LPIN1: variants seen among roughly 807,000 people sequenced by gnomAD.
The protein encoded by LPIN1 is lipin 1, also known as phosphatidate phosphatase LPIN1.
In LPIN1, 71 loss-of-function variants were observed where a neutral mutation model predicts 107.5. The ratio of observed to expected loss-of-function variants is 0.66; its 90% CI spans 0.55 to 0.80. The LOEUF (loss-of-function observed/expected upper bound fraction) is 0.80. Ranked by LOEUF, LPIN1 falls within the 30% of genes least tolerant of loss-of-function variation. The pLI, the probability that LPIN1 is intolerant of heterozygous loss-of-function variation, is 0.00. For synonymous variants in LPIN1, 445 were observed against 452.6 expected (o/e 0.98, Z 0.21); for missense variants, 1,043 against 1,160.6 (o/e 0.90, Z 1.47).
At chr2:11,795,751 G>A (rs1572881121) in intron 14 of LPIN1, among the ~76,000 whole-genome samples, 2 of 152,346 alleles carry the variant, frequency 1.3e-5, no homozygotes, top group East Asian at 3.9e-4. Flanking sequence ...GTCCTGGCAT[G>A]CAATAGTCCT....
At position 11,765,710 on chromosome 2, in the gene LPIN1, G is replaced by A; in HGVS notation, c.169G>A (p.Val57Ile). 2 of 1,611,566 alleles carry A rather than the reference G, an allele frequency of 1.2e-6. No individual in the cohort carries two copies. The highest frequency in any genetic ancestry group is 1.3e-5 in the African/African-American group (1 of 74,986). Residue 57 changes from valine (V) to isoleucine (I), a missense_variant, in exon 2 of 21, where the codon GTC (valine) becomes ATC (isoleucine). Val to Ile is a conservative substitution (Grantham distance 29). Coordinates refer to ENST00000674199, the MANE Select transcript of LPIN1 (RefSeq NM_001349206.2). This position sits in a 1 kb window ranked among gnomAD's most constrained non-coding sequence, Gnocchi z 4.4. ...CCACGTCCGCTTTGGGAAGATGGGG[G>A]TCCTGCGCTCCCGAGAGAAAGTGGT... ...PFHVRFGKMG[V>I]LRSREKVVDI...
upstream of LPIN1, among the ~76,000 whole-genome samples, chr2:11,742,413 T>C (rs1222663180): frequency 6.6e-6 from 1 of 152,350 alleles, no homozygotes; most frequent in South Asian, 2.1e-4. Flanking sequence ...TCTGTGTAGC[T>C]GTTTTCTTAG....
At chr2:11,811,434 T>C (rs1419739992) in intron 17 of LPIN1, among the ~76,000 whole-genome samples, 1 of 152,176 alleles carries the variant, frequency 6.6e-6, no homozygotes, top group Non-Finnish European at 1.5e-5. Context: ...GCAGCAAACA[T>C]TTTCCCCATT....
chr2:11,752,641 C>A (rs1172660270), intron 1 of LPIN1, among the ~76,000 whole-genome samples: 1 of 151,280 alleles, frequency 6.6e-6, no homozygotes, highest in Non-Finnish European at 1.5e-5. Context: ...CCGTTTTAGC[C>A]GGGATGGTCT....
chr2:11,714,010 C>T (rs2148526551), intron 2 of LPIN1, among the ~76,000 whole-genome samples: 1 of 152,346 alleles, frequency 6.6e-6, no homozygotes, highest in Non-Finnish European at 1.5e-5. Context: ...GAGCTGTGAA[C>T]ATTTTGGCTG....
intron 1 of LPIN1, among the ~76,000 whole-genome samples, chr2:11,761,402 G>A (rs1669810609): frequency 6.6e-6 from 1 of 152,158 alleles, no homozygotes. Context: ...ACAGATCAAG[G>A]GGGAGCTGGG....
chr2:11,743,991 A>T (rs1666630348), upstream of LPIN1, among the ~76,000 whole-genome samples: 1 of 151,870 alleles, frequency 6.6e-6, no homozygotes, highest in Non-Finnish European at 1.5e-5. The surrounding 1 kb of genome is among the most constrained non-coding windows in gnomAD (Gnocchi z 4.7). Flanking sequence ...AAATCTTCCA[A>T]CCCCACAACT....
chr2:11,714,920 C>T (rs147716294), intron 2 of LPIN1, among the ~76,000 whole-genome samples: 107 of 152,328 alleles, frequency 7.0e-4, no homozygotes, highest in Middle Eastern at 6.8e-3. Context: ...GTCGTTGAGA[C>T]GAATCCAGAG....
At chr2:11,759,584 C>G (rs1451876051) in intron 1 of LPIN1, among the ~76,000 whole-genome samples, 137 of 152,358 alleles carry the variant, frequency 9.0e-4, no homozygotes, top group Non-Finnish European at 1.0e-4. Context: ...CTACTTCTTT[C>G]TACACAGACA....
intron 8 of LPIN1, 87 bp from the exon 9 acceptor site, chr2:11,783,742 G>A: frequency 9.2e-7 from 1 of 1,087,622 alleles, no homozygotes. Context: ...TCTGCACATA[G>A]TGTTTAAATG....
intron 12 of LPIN1, 178 bp from the exon 13 acceptor site, chr2:11,791,735 AT>A: frequency 4.8e-6 from 7 of 1,460,102 alleles, no homozygotes; most frequent in Non-Finnish European, 5.5e-6. Flanking sequence ...CCTTCATGTA[AT>A]TTTGGACGCC....
At chr2:11,772,029 A>T (rs1671927763) in intron 4 of LPIN1, among the ~76,000 whole-genome samples, 1 of 152,148 alleles carries the variant, frequency 6.6e-6, no homozygotes, top group Admixed American at 6.5e-5. Flanking sequence ...CTTGGGGGTG[A>T]TGGGTGACAG....
At chr2:11,692,568 AAGTGCTTAGCAAAT>A (rs1185659593) in intron 1 of LPIN1, among the ~76,000 whole-genome samples, 2 of 152,214 alleles carry the variant, frequency 1.3e-5, no homozygotes, top group South Asian at 2.1e-4. Context: ...TAAGTTTCTA[AAGTGCTTAGCAAAT>A]AGTGCTTAGC....
chr2:11,804,281 G>T, intron 15 of LPIN1, 142 bp from the exon 16 acceptor site: 1 of 886,074 alleles, frequency 1.1e-6, no homozygotes, highest in Non-Finnish European at 1.8e-6. Flanking sequence ...GGAAGGGTGG[G>T]GAAAGAAAGA....
At position 11,776,143 on chromosome 2, in the gene LPIN1, T is replaced by C. The variant is rs527481217; in HGVS notation, c.780T>C (p.Gly260=). ...ATCTTGCAGTTGCGGCCGAGGGAGG[T>C]CTGTCTAGTTCTTGCCCTCCACAGT... is the stretch of plus-strand genomic sequence containing the variant. The part of the protein sequence containing the change: ...APHLAVAAEG[G]LSSSCPPQSS... Residue 260 remains glycine (G), a synonymous_variant, in exon 6 of 21, where the codon GGT becomes GGC. Transcript: ENST00000674199. 3.9e-6 allele frequency: 6 copies of C among 1,546,882 alleles called. No individual in the cohort carries two copies. In the African/African-American group the frequency reaches 8.2e-5, roughly 21 times the overall value.
chr2:11,689,534 C>T (rs946402428), intron 1 of LPIN1, among the ~76,000 whole-genome samples: 3 of 152,180 alleles, frequency 2.0e-5, no homozygotes, highest in Admixed American at 1.3e-4. Context: ...TTTCTATCCT[C>T]TTTTCTGTTT....
At chr2:11,708,932 A>G (rs181218464) in intron 1 of LPIN1, among the ~76,000 whole-genome samples, 3 of 152,240 alleles carry the variant, frequency 2.0e-5, no homozygotes, top group Admixed American at 6.5e-5. Context: ...AGCTACTACT[A>G]TTATTATTGT....
chr2:11,821,551 A>G (rs1026271415), intron 20 of LPIN1, among the ~76,000 whole-genome samples: 4 of 152,188 alleles, frequency 2.6e-5, no homozygotes, highest in African/African-American at 9.6e-5. Flanking sequence ...TAGTGGCCCC[A>G]GATAGCCCGA....
chr2:11,804,491 G>A lies in LPIN1; in HGVS notation c.2082G>A (p.Thr694=), dbSNP rs546138295. The change falls in exon 16 of 21, where the codon ACG becomes ACA. Residue 694 remains threonine (T), a synonymous_variant. Coordinates refer to ENST00000674199, the MANE Select transcript of LPIN1 (RefSeq NM_001349206.2). Reference sequence around the variant, plus strand: ...GTGTCACCACGCAGTACCAAGGCACGTGCCGCTGTGAGGGCACCATCTATC... The same window carrying A: ...GTGTCACCACGCAGTACCAAGGCACATGCCGCTGTGAGGGCACCATCTATC... ...VFSVTTQYQG[T]CRCEGTIYLW... 13 of 1,614,136 alleles carry A rather than the reference G, an allele frequency of 8.1e-6. No homozygotes were observed. The highest frequency in any genetic ancestry group is 2.2e-5 in the East Asian group (1 of 44,880).
Sources: allele counts gnomAD v4.1 joint callset (sites outside exome capture counted in the v4.1 genomes callset), GRCh38; gene constraint gnomAD v4.1.1; non-coding constraint Gnocchi (gnomAD v3.1); transcripts MANE v1.5; gene names NCBI Gene and HGNC (gene_info 2026-07-23, HGNC 2026-07-21).